The following ENOX2 variants were observed in gnomAD, a reference collection of about 807,000 sequenced individuals.
The protein encoded by ENOX2 is ecto-NOX disulfide-thiol exchanger 2.
In ENOX2, 36 loss-of-function variants were observed where a neutral mutation model predicts 45.0. That is an observed-to-expected ratio of 0.80 (90% CI 0.61 to 1.06). ENOX2 has a LOEUF of 1.06. Among genes scored for constraint, ENOX2 ranks in the 50% least tolerant of loss-of-function variants. The probability of loss-of-function intolerance (pLI) is 0.00; values close to 1 mark genes in which losing one functional copy is unlikely to be tolerated. For synonymous variants in ENOX2, 174 were observed against 152.3 expected (o/e 1.14, Z -1.05); for missense variants, 423 against 462.5 (o/e 0.91, Z 0.78).
At chrX:130,741,588 G>A (rs2038983025) in intron 3 of ENOX2, among the ~76,000 whole-genome samples, 1 of 111,625 alleles carries the variant, frequency 9.0e-6, no homozygotes, top group South Asian at 3.8e-4. Flanking sequence ...TTCAGGGAAG[G>A]AAAACCCTGG....
intron 2 of ENOX2, among the ~76,000 whole-genome samples, chrX:130,808,928 T>C (rs1036491853): frequency 8.9e-6 from 1 of 112,222 alleles, no homozygotes; most frequent in Non-Finnish European, 1.9e-5. Flanking sequence ...TATCATAGAA[T>C]GCACATTTAT....
intron 6 of ENOX2, among the ~76,000 whole-genome samples, chrX:130,677,077 C>A (rs1322850837): frequency 9.0e-6 from 1 of 111,650 alleles, no homozygotes; most frequent in South Asian, 3.8e-4. Flanking sequence ...TACTTTTGCT[C>A]ATGCTGTTTT....
chrX:130,677,627 A>G (rs1489227278), intron 6 of ENOX2, among the ~76,000 whole-genome samples: 1 of 111,286 alleles, frequency 9.0e-6, no homozygotes, highest in East Asian at 2.8e-4. Context: ...TCACAGATTA[A>G]TGGATTAATG....
intron 3 of ENOX2, among the ~76,000 whole-genome samples, chrX:130,705,468 T>G (rs2038013379): frequency 8.9e-6 from 1 of 112,339 alleles, no homozygotes. Context: ...TCACAATGCT[T>G]GTTAACATGT....
intron 2 of ENOX2, among the ~76,000 whole-genome samples, chrX:130,866,293 T>C (rs951406993): frequency 8.9e-6 from 1 of 111,970 alleles, no homozygotes; most frequent in African/African-American, 3.2e-5. Context: ...GATTGATTTC[T>C]AGTCTTTCTA....
intron 2 of ENOX2, among the ~76,000 whole-genome samples, chrX:130,822,067 CA>C (rs759582186): frequency 0.013 from 246 of 19,125 alleles, no homozygotes; most frequent in African/African-American, 0.022. Context: ...GACTCCGTCT[CA>C]AAAAAAAAAA....
chrX:130,828,589 C>T (rs1470933683), intron 2 of ENOX2, among the ~76,000 whole-genome samples: 1 of 111,607 alleles, frequency 9.0e-6, no homozygotes, highest in African/African-American at 3.3e-5. Context: ...TTGATTGTTA[C>T]ACAAAATCAT....
intron 3 of ENOX2, among the ~76,000 whole-genome samples, chrX:130,721,088 G>A (rs1003827824): frequency 1.8e-5 from 2 of 111,674 alleles, no homozygotes; most frequent in Admixed American, 1.9e-4. Flanking sequence ...GGAACCAGGA[G>A]GGAGGTGTCT....
At chrX:130,660,620 T>C (rs1295459053) in intron 9 of ENOX2, among the ~76,000 whole-genome samples, 1 of 112,386 alleles carries the variant, frequency 8.9e-6, no homozygotes, top group Admixed American at 9.4e-5. Context: ...TTTTCCATCC[T>C]GGCATTTTGA....
rs767840155 is a variant in ENOX2, at chrX:130,782,474, C to G, written c.-39+1073G>C. 2.7e-5 allele frequency among the ~76,000 whole-genome samples: 3 copies of G among 111,588 alleles called. No individual in the cohort carries two copies. The East Asian group carries it at 8.4e-4, about 31-fold the overall frequency. On this transcript the variant is annotated intron_variant, in intron 3 of 14. Coordinates refer to ENST00000394363, the MANE Select transcript of ENOX2 (RefSeq NM_006375.4). Reference sequence around the variant, plus strand: ...CCTTTCCATGCTCCAGAAAACAGAGCTCTCTAAGAATCACTCATTTCTTGA... The same window carrying G: ...CCTTTCCATGCTCCAGAAAACAGAGGTCTCTAAGAATCACTCATTTCTTGA...
At chrX:130,841,163 C>A (rs2078009330) in intron 2 of ENOX2, among the ~76,000 whole-genome samples, 1 of 111,802 alleles carries the variant, frequency 8.9e-6, no homozygotes, top group South Asian at 3.8e-4. Flanking sequence ...CAAACACACA[C>A]ACACATTTGC....
intron 8 of ENOX2, among the ~76,000 whole-genome samples, chrX:130,666,361 G>A (rs904815285): frequency 7.2e-5 from 8 of 111,768 alleles, no homozygotes; most frequent in Non-Finnish European, 1.3e-4. Context: ...GTGTAAGTGC[G>A]GTCCTAGAGA....
At chrX:130,891,586 G>A (rs769458923) in intron 2 of ENOX2, among the ~76,000 whole-genome samples, 8 of 88,328 alleles carry the variant, frequency 9.1e-5, no homozygotes, top group Non-Finnish European at 1.3e-4. Flanking sequence ...CTGTAACCTT[G>A]AACTCCTCGG....
intron 2 of ENOX2, among the ~76,000 whole-genome samples, chrX:130,788,694 C>T (rs1167711104): frequency 6.2e-5 from 7 of 112,188 alleles, no homozygotes; most frequent in African/African-American, 1.3e-4. Context: ...CAAAGTCTTA[C>T]GCATTCCTCA....
At chrX:130,738,379 C>T (rs2038907956) in intron 3 of ENOX2, among the ~76,000 whole-genome samples, 1 of 112,085 alleles carries the variant, frequency 8.9e-6, no homozygotes, top group Non-Finnish European at 1.9e-5. Flanking sequence ...TAAAAAATCT[C>T]AAATGTATAA....
chrX:130,882,118 C>T (rs1348748382), intron 2 of ENOX2, among the ~76,000 whole-genome samples: 1 of 110,883 alleles, frequency 9.0e-6, no homozygotes, highest in African/African-American at 3.3e-5. Context: ...AGCAGCTCTA[C>T]GATCGCTGGA....
intron 6 of ENOX2, 107 bp from the exon 7 acceptor site, chrX:130,670,305 A>C: frequency 1.8e-6 from 1 of 553,451 alleles, no homozygotes; most frequent in Non-Finnish European, 3.0e-6. Context: ...AAGACTATAC[A>C]TACTTTTCCA....
intron 3 of ENOX2, among the ~76,000 whole-genome samples, chrX:130,714,260 A>C (rs951053097): frequency 8.9e-6 from 1 of 112,256 alleles, no homozygotes; most frequent in Non-Finnish European, 1.9e-5. Flanking sequence ...AGCATGAACA[A>C]GATCTGGAGT....
At chrX:130,705,687 C>T (rs779466307) in intron 3 of ENOX2, among the ~76,000 whole-genome samples, 1 of 111,712 alleles carries the variant, frequency 9.0e-6, no homozygotes, top group South Asian at 3.8e-4. Context: ...CAAATGCTAC[C>T]TTGTTTATGA....
Sources: gnomAD v4.1 joint callset for allele counts (sites outside exome capture counted in the v4.1 genomes callset) on GRCh38, gnomAD v4.1.1 for gene constraint, MANE v1.5 for transcripts, NCBI Gene and HGNC (gene_info 2026-07-23, HGNC 2026-07-21) for gene names.